The following TBC1D12 variants were observed in gnomAD, a reference collection of about 807,000 sequenced individuals.
The protein encoded by TBC1D12 is TBC1 domain family, member 12.
TBC1D12 carries 56 observed loss-of-function variants against 86.7 expected under a neutral mutation model. The observed-to-expected ratio is 0.65, with a 90% confidence interval of 0.52 to 0.81. The LOEUF is 0.81. Among genes scored for constraint, TBC1D12 ranks in the 30% least tolerant of loss-of-function variants. The pLI, the probability that TBC1D12 is intolerant of heterozygous loss-of-function variation, is 0.00. For missense variants in TBC1D12, 1,023 were observed against 1,038.8 expected (o/e 0.98, Z 0.21); for synonymous variants, 421 against 411.7 (o/e 1.02, Z -0.27).
intron 2 of TBC1D12, among the ~76,000 whole-genome samples, chr10:94,466,669 A>G (rs1165545448): frequency 6.6e-6 from 1 of 152,174 alleles, no homozygotes; most frequent in East Asian, 1.9e-4. Context: ...TACTGAAAAA[A>G]CAATACAGAG....
At chr10:94,475,139 T>C (rs1395576343) in intron 3 of TBC1D12, among the ~76,000 whole-genome samples, 1 of 152,216 alleles carries the variant, frequency 6.6e-6, no homozygotes, top group African/African-American at 2.4e-5. Flanking sequence ...TGAGTTAATA[T>C]ACGAAACATA....
At chr10:94,435,499 T>C (rs1189147618) in intron 1 of TBC1D12, among the ~76,000 whole-genome samples, 1 of 152,160 alleles carries the variant, frequency 6.6e-6, no homozygotes, top group Non-Finnish European at 1.5e-5. Flanking sequence ...CATTTGCCAT[T>C]TGTTTTCCCT....
chr10:94,500,491 G>C (rs2056381253), intron 6 of TBC1D12, among the ~76,000 whole-genome samples, 164 bp downstream of exon 6: 1 of 152,106 alleles, frequency 6.6e-6, no homozygotes, highest in South Asian at 2.1e-4. Context: ...TATTAAACCT[G>C]TTATGATTTA....
intron 6 of TBC1D12, 28 bp downstream of exon 6, chr10:94,500,355 A>G (rs745576253): frequency 6.3e-7 from 1 of 1,591,264 alleles, no homozygotes; most frequent in Non-Finnish European, 8.6e-7. Flanking sequence ...AGTTATTCCC[A>G]CATGTACAAA....
At chr10:94,477,879 G>A (rs2056015895) in intron 3 of TBC1D12, among the ~76,000 whole-genome samples, 1 of 152,196 alleles carries the variant, frequency 6.6e-6, no homozygotes, top group African/African-American at 2.4e-5. Flanking sequence ...TGGGATGTGA[G>A]GTTGTGCAGA....
rs1416119747 is a variant in TBC1D12, at chr10:94,459,494, G to GTAT, written c.1096-15174_1096-15173insTAT. Among the ~76,000 whole-genome samples the GTAT allele has an allele frequency of 3.6e-3, 554 of 152,386 alleles. 3 individuals carry two copies. Among genetic ancestry groups the GTAT allele is most frequent in the African/African-American group, 0.013 (534 of 41,600 alleles). ...CCCGCCAGTACCGCGCTGTGCGCCC[G>GTAT]CATTCCTCAGCCCTTGGATGGTAGA... is the stretch of plus-strand genomic sequence containing the variant. On this transcript the variant is annotated intron_variant, in intron 2 of 12. Coordinates refer to ENST00000225235, the MANE Select transcript of TBC1D12 (RefSeq NM_015188.2).
intron 6 of TBC1D12, among the ~76,000 whole-genome samples, chr10:94,503,878 G>A (rs866144458): frequency 1.3e-5 from 2 of 152,184 alleles, no homozygotes; most frequent in Non-Finnish European, 2.9e-5. Flanking sequence ...GCCCACCTCG[G>A]CCTCCCAAAG....
chr10:94,509,827 A>G (rs2056505663), intron 7 of TBC1D12: 3 of 354,742 alleles, frequency 8.5e-6, no homozygotes, highest in Admixed American at 5.2e-5. Flanking sequence ...AGTTGTTACC[A>G]TGGAAATGAT....
At chr10:94,429,679 T>G (rs914669541) in intron 1 of TBC1D12, among the ~76,000 whole-genome samples, 1 of 152,164 alleles carries the variant, frequency 6.6e-6, no homozygotes, top group Non-Finnish European at 1.5e-5. Context: ...CAACTTCCCC[T>G]CTGTTATGAT....
rs2054787978 is a variant in TBC1D12, at chr10:94,402,903, C to T, written c.290C>T (p.Ala97Val). The T allele has an allele frequency of 2.0e-6, 3 of 1,490,650 alleles. No homozygotes were observed. Among genetic ancestry groups the T allele is most frequent in the Non-Finnish European group, 2.7e-6 (3 of 1,127,596 alleles). 92.3% of individuals were successfully genotyped at this position (1,490,650 alleles called of 1,614,324 possible). ...CCGCTCCCCGCTGGCCAGGCCGGCGCCCCGCCGCCCTCGGCAGCCCCACGA... is the reference window on the plus strand; with the variant it reads ...CCGCTCCCCGCTGGCCAGGCCGGCGTCCCGCCGCCCTCGGCAGCCCCACGA... ...YCPLPAGQAG[A>V]PPPSAAPRSD... The change falls in exon 1 of 13, where the codon GCC becomes GTC. Residue 97 changes from alanine to valine, a missense_variant. Coordinates refer to ENST00000225235, the MANE Select transcript of TBC1D12 (RefSeq NM_015188.2).
chr10:94,450,179 T>A (rs1414176981), intron 2 of TBC1D12, among the ~76,000 whole-genome samples: 1 of 152,178 alleles, frequency 6.6e-6, no homozygotes, highest in East Asian at 1.9e-4. Context: ...TATATCTATA[T>A]CTATATCTAC....
intron 3 of TBC1D12, among the ~76,000 whole-genome samples, chr10:94,489,155 G>A (rs2056212396): frequency 6.6e-6 from 1 of 152,186 alleles, no homozygotes. Context: ...ACCTGTGATT[G>A]CGAGGCTTGC....
At chr10:94,405,826 T>C (rs541115433) in intron 1 of TBC1D12, among the ~76,000 whole-genome samples, 15 of 152,192 alleles carry the variant, frequency 9.9e-5, no homozygotes, top group African/African-American at 3.6e-4. Flanking sequence ...TTTTTTTTTT[T>C]TGAGATGGAG....
chr10:94,520,927 T>C (rs1048024773), intron 9 of TBC1D12, among the ~76,000 whole-genome samples: 25 of 152,218 alleles, frequency 1.6e-4, no homozygotes, highest in Admixed American at 3.9e-4. Context: ...TCCCAAAGTG[T>C]TGGGATTACA....
intron 11 of TBC1D12, among the ~76,000 whole-genome samples, chr10:94,525,119 A>G (rs1051040384): frequency 3.9e-5 from 6 of 152,190 alleles, no homozygotes; most frequent in Non-Finnish European, 8.8e-5. Context: ...AGTTAACTAC[A>G]ACATGACCAA....
At position 94,403,044 on chromosome 10, in the gene TBC1D12, G is replaced by A. The variant is rs567567845; in HGVS notation, c.431G>A (p.Arg144Gln). 6 of 1,559,822 alleles carry A rather than the reference G, an allele frequency of 3.8e-6. No individual in the cohort carries two copies. Among genetic ancestry groups the A allele is most frequent in the African/African-American group, 1.4e-5 (1 of 70,342 alleles). ...TNGDSGFLPG[R>Q]DCRDLEEARG... ...GGCGACTCGGGTTTTCTGCCGGGCC[G>A]GGACTGTCGCGATCTGGAAGAGGCT... Residue 144 changes from arginine to glutamine, a missense_variant, in exon 1 of 13, where the codon CGG becomes CAG. Arg to Gln is a conservative substitution (Grantham distance 43). Around this residue, in one of 2 missense-constraint regions of TBC1D12, gnomAD observed 628 missense variants for 531.1 expected, o/e 1.18. Transcript: ENST00000225235.
intron 9 of TBC1D12, among the ~76,000 whole-genome samples, chr10:94,515,300 A>G (rs972982525): frequency 6.6e-6 from 1 of 151,844 alleles, no homozygotes; most frequent in East Asian, 1.9e-4. Context: ...CTCAGGGGAT[A>G]TATTCCAAGA....
intron 1 of TBC1D12, among the ~76,000 whole-genome samples, chr10:94,435,962 A>T (rs2055289101): frequency 6.6e-6 from 1 of 152,070 alleles, no homozygotes; most frequent in Non-Finnish European, 1.5e-5. Flanking sequence ...CTGTGTTTCC[A>T]TTTATGCTTG....
At chr10:94,437,411 C>T (rs1236961765) in intron 1 of TBC1D12, among the ~76,000 whole-genome samples, 1 of 151,984 alleles carries the variant, frequency 6.6e-6, no homozygotes, top group African/African-American at 2.4e-5. Flanking sequence ...CTGCGAGCTC[C>T]GCCTCCTGGG....
Sources: allele counts gnomAD v4.1 joint callset (sites outside exome capture counted in the v4.1 genomes callset), GRCh38; gene constraint gnomAD v4.1.1; regional missense constraint gnomAD v4.1.1; transcripts MANE v1.5; gene names NCBI Gene and HGNC (gene_info 2026-07-23, HGNC 2026-07-21).